COL27A1: variants seen among roughly 807,000 people sequenced by gnomAD.
COL27A1 encodes the protein collagen type XXVII alpha 1 chain.
COL27A1 carries 106 observed loss-of-function variants against 251.3 expected under a neutral mutation model. The ratio of observed to expected loss-of-function variants is 0.42; its 90% CI spans 0.36 to 0.50. The LOEUF is 0.50. Among genes scored for constraint, COL27A1 ranks in the 20% least tolerant of loss-of-function variants. The probability of loss-of-function intolerance (pLI) is 0.00; values close to 1 mark genes in which losing one functional copy is unlikely to be tolerated. For missense variants in COL27A1, 2,325 were observed against 2,522.8 expected (o/e 0.92, Z 1.68); for synonymous variants, 1,000 against 986.3 (o/e 1.01, Z -0.26).
At position 114,289,218 on chromosome 9, in the gene COL27A1, G is replaced by C. The variant is rs373772050; in HGVS notation, c.4153-24G>C. 3 of 1,544,506 alleles carry C rather than the reference G, an allele frequency of 1.9e-6. No individual in the cohort carries two copies. The African/African-American group carries it at 4.1e-5, about 21-fold the overall frequency. The stretch of plus-strand genomic sequence containing the variant: ...CGGGAGAGAATCCTGGGGCTGCCTT[G>C]CGTCATCTCACCTTGGTTTGCAGGG... On this transcript the variant is annotated intron_variant, in intron 44 of 60. Transcript: ENST00000356083.
intron 32 of COL27A1, among the ~76,000 whole-genome samples, chr9:114,265,968 G>T (rs1834714771): frequency 6.6e-6 from 1 of 152,216 alleles, no homozygotes; most frequent in Non-Finnish European, 1.5e-5. Flanking sequence ...GCTTGAAGCA[G>T]AAAGGGCGAT....
At chr9:114,230,840 T>A (rs1588711461) in intron 14 of COL27A1, among the ~76,000 whole-genome samples, 1 of 152,242 alleles carries the variant, frequency 6.6e-6, no homozygotes, top group Non-Finnish European at 1.5e-5. Flanking sequence ...TGGAAAGGAA[T>A]GGGGATAGGG....
intron 3 of COL27A1, among the ~76,000 whole-genome samples, chr9:114,171,610 C>T (rs1436736835): frequency 1.3e-5 from 2 of 151,724 alleles, no homozygotes; most frequent in Admixed American, 6.6e-5. Context: ...ACTACAGGCA[C>T]GTGCCACTAT....
intron 4 of COL27A1, 144 bp downstream of exon 4, chr9:114,178,488 A>T: frequency 1.3e-6 from 1 of 750,016 alleles, no homozygotes; most frequent in South Asian, 1.6e-5. Context: ...ATCCATTTGG[A>T]GTGGACTTAG....
At chr9:114,251,677 T>C (rs758470314) in intron 25 of COL27A1, among the ~76,000 whole-genome samples, 4 of 152,274 alleles carry the variant, frequency 2.6e-5, no homozygotes, top group East Asian at 1.9e-4. Context: ...CTACAAACCA[T>C]TGACTGCGCC....
intron 7 of COL27A1, among the ~76,000 whole-genome samples, chr9:114,201,225 A>T (rs1010578619): frequency 3.3e-5 from 5 of 152,202 alleles, no homozygotes; most frequent in Admixed American, 6.5e-5. Flanking sequence ...TCCCCGAAAC[A>T]TTCCCTCTCC....
chr9:114,265,457 G>C lies in COL27A1; in HGVS notation c.3375G>C (p.Lys1125Asn). The change falls in exon 32 of 61, where the codon AAG becomes AAC. Residue 1125 changes from lysine (K) to asparagine (N), a missense_variant. Transcript: ENST00000356083. ...IPGPSGPPGT[K>N]GLPGEPGPQG... ...GTCCCTCAGGCCCCCCAGGCACCAAGGGCCTCCCAGGAGAACCGGTAAGAG... is the reference window on the plus strand; with the variant it reads ...GTCCCTCAGGCCCCCCAGGCACCAACGGCCTCCCAGGAGAACCGGTAAGAG... 1 of 1,613,846 alleles carries C rather than the reference G, an allele frequency of 6.2e-7. No homozygotes were observed. Among genetic ancestry groups the C allele is most frequent in the Non-Finnish European group, 8.5e-7 (1 of 1,179,950 alleles).
chr9:114,184,473 A>G (rs897799708), intron 5 of COL27A1, among the ~76,000 whole-genome samples: 1 of 152,204 alleles, frequency 6.6e-6, no homozygotes, highest in African/African-American at 2.4e-5. Flanking sequence ...GTGCAGGAGC[A>G]CTGGCCTCAG....
intron 36 of COL27A1, chr9:114,271,065 C>T: frequency 2.3e-6 from 1 of 442,718 alleles, no homozygotes; most frequent in East Asian, 4.2e-5. Flanking sequence ...AGGGTGATTC[C>T]TGAGCACCGG....
chr9:114,196,205 C>G (rs1829113004), intron 7 of COL27A1, among the ~76,000 whole-genome samples, 193 bp downstream of exon 7: 1 of 152,202 alleles, frequency 6.6e-6, no homozygotes, highest in Admixed American at 6.5e-5. Flanking sequence ...TACCTCGGCT[C>G]GTAGTAGGTG....
intron 24 of COL27A1, among the ~76,000 whole-genome samples, chr9:114,249,064 C>A (rs998610824): frequency 6.6e-6 from 1 of 152,160 alleles, no homozygotes; most frequent in African/African-American, 2.4e-5. Context: ...AGGGAGGTAC[C>A]TTTATTGTCT....
chr9:114,293,971 GC>G (rs1828089362), intron 49 of COL27A1, among the ~76,000 whole-genome samples: 1 of 152,064 alleles, frequency 6.6e-6, no homozygotes, highest in Non-Finnish European at 1.5e-5. Flanking sequence ...GGGCGCGGTG[GC>G]TTACGCCTGT....
At chr9:114,229,338 C>T (rs538971948) in intron 14 of COL27A1, among the ~76,000 whole-genome samples, 1 of 152,182 alleles carries the variant, frequency 6.6e-6, no homozygotes, top group East Asian at 1.9e-4. Flanking sequence ...AACTCCATGC[C>T]GTCTGTCTGT....
At chr9:114,283,620 C>T (rs571710878) in intron 39 of COL27A1, 89 bp from the exon 40 acceptor site, 29 of 1,220,116 alleles carry the variant, frequency 2.4e-5, no homozygotes, top group South Asian at 1.1e-4. Flanking sequence ...GGCTGCTGGG[C>T]GGAGCGGGGC....
At chr9:114,237,417 A>G (rs779685801) in intron 18 of COL27A1, among the ~76,000 whole-genome samples, 2 of 152,220 alleles carry the variant, frequency 1.3e-5, no homozygotes, top group Non-Finnish European at 2.9e-5. Flanking sequence ...GAGGGAATTA[A>G]TATTGCTCCC....
intron 41 of COL27A1, among the ~76,000 whole-genome samples, chr9:114,285,254 G>A (rs1194472686): frequency 6.6e-6 from 1 of 152,132 alleles, no homozygotes; most frequent in Non-Finnish European, 1.5e-5. Context: ...CAGAGGGGAA[G>A]GCATGTTCAT....
chr9:114,231,949 G>T (rs1345110846), intron 16 of COL27A1, 83 bp downstream of exon 16: 2 of 1,373,734 alleles, frequency 1.5e-6, no homozygotes, highest in Admixed American at 1.7e-5. Flanking sequence ...CTGATTTCTC[G>T]CCAGGTCCAC....
chr9:114,309,785 G>C (rs554310801), intron 60 of COL27A1, among the ~76,000 whole-genome samples: 73 of 152,274 alleles, frequency 4.8e-4, no homozygotes, highest in South Asian at 8.3e-4. Context: ...TCCCACCCTA[G>C]TCAGGCTAAT....
At chr9:114,307,600 A>C in intron 58 of COL27A1, 69 bp from the exon 59 acceptor site, 1 of 1,101,878 alleles carries the variant, frequency 9.1e-7, no homozygotes, top group Non-Finnish European at 1.4e-6. Context: ...TGCAGGGTCC[A>C]TCTACAGAAC....
Sources: gnomAD v4.1 joint callset for allele counts (sites outside exome capture counted in the v4.1 genomes callset) on GRCh38, gnomAD v4.1.1 for gene constraint, MANE v1.5 for transcripts, NCBI Gene and HGNC (gene_info 2026-07-23, HGNC 2026-07-21) for gene names.